PUM3: variants seen among roughly 807,000 people sequenced by gnomAD.
PUM3 encodes the protein pumilio RNA binding family member 3.
PUM3 carries 91 observed loss-of-function variants against 84.0 expected under a neutral mutation model. The observed-to-expected ratio is 1.08, with a 90% confidence interval of 0.91 to 1.29. The LOEUF (loss-of-function observed/expected upper bound fraction) is 1.29, where lower values mean the gene tolerates loss of function less well. Ranked by LOEUF, PUM3 falls within the 50% of genes most tolerant of loss-of-function variation. The pLI is 0.00. For synonymous variants in PUM3, 321 were observed against 266.7 expected (o/e 1.20, Z -1.98); for missense variants, 1,067 against 767.5 (o/e 1.39, Z -4.61).
At chr9:2,814,273 G>A (rs936586326) in intron 13 of PUM3, among the ~76,000 whole-genome samples, 2 of 43,266 alleles carry the variant, frequency 4.6e-5, no homozygotes, top group East Asian at 6.7e-4. Context: ...GTGCAGTGGC[G>A]TGATCTTGGC....
intron 12 of PUM3, among the ~76,000 whole-genome samples, chr9:2,821,443 CAAAAAA>C (rs572752267): frequency 4.0e-5 from 2 of 50,130 alleles, no homozygotes; most frequent in South Asian, 9.4e-4. Context: ...GACTCTGTCT[CAAAAAA>C]AAAAAAAAAA....
In PUM3 at chr9:2,826,601, C is replaced by G. The variant is rs377595003; in HGVS notation, c.1035+472G>C. 1.6e-4 allele frequency among the ~76,000 whole-genome samples: 24 copies of G among 152,302 alleles called. No individual in the cohort carries two copies. In the South Asian group the frequency reaches 2.1e-3, roughly 13 times the overall value. On this transcript the variant is annotated intron_variant, in intron 10 of 17. Coordinates refer to ENST00000397885, the MANE Select transcript of PUM3 (RefSeq NM_014878.5). ...TGAATTCTCATTTGTATTCCCATGA[C>G]TGACTTGAAGGGCAGTGCAATTTAC...
At chr9:2,817,004 G>A (rs915245449) in intron 13 of PUM3, among the ~76,000 whole-genome samples, 1 of 152,238 alleles carries the variant, frequency 6.6e-6, no homozygotes, top group Non-Finnish European at 1.5e-5. Flanking sequence ...CGTAGTGGCT[G>A]AGTGGGAAAT....
intron 17 of PUM3, among the ~76,000 whole-genome samples, chr9:2,806,396 C>G (rs1181732734): frequency 6.6e-6 from 1 of 152,128 alleles, no homozygotes; most frequent in East Asian, 1.9e-4. Context: ...TATGAATGCT[C>G]CTGTGTGAGT....
chr9:2,829,519 G>C (rs529341066), intron 8 of PUM3, among the ~76,000 whole-genome samples: 2 of 152,314 alleles, frequency 1.3e-5, no homozygotes, highest in Admixed American at 1.3e-4. Flanking sequence ...GTATTGAAGT[G>C]CTACACACAG....
rs892501074 is a variant in PUM3, at chr9:2,812,384, A to G, written c.1270-22T>C. The G allele has an allele frequency of 7.4e-6, 11 of 1,484,308 alleles. No homozygotes were observed. The African/African-American group carries it at 1.4e-4, about 19-fold the overall frequency. The allele number at this position is 1,484,308 out of a possible 1,614,324, so 91.9% of individuals were successfully genotyped here. A position where few individuals can be genotyped will look rare whatever the true frequency, so the allele number is the denominator to read the frequency against. ...TTTCCTATAAAATTATAAACAAAAA[A>G]AAAGAATCAATATCTGCATTCTCAA... On this transcript the variant is annotated intron_variant, in intron 13 of 17. Transcript: ENST00000397885.
chr9:2,831,061 G>C, intron 6 of PUM3, 33 bp from the exon 7 acceptor site: 1 of 1,175,042 alleles, frequency 8.5e-7, no homozygotes, highest in Non-Finnish European at 1.3e-6. Context: ...AGTGACTTCA[G>C]ATCTCATTTC....
chr9:2,807,798 CA>C lies in PUM3; in HGVS notation c.1814+15del. On this transcript the variant is annotated intron_variant, in intron 17 of 17. Transcript: ENST00000397885. Reference sequence around the variant, plus strand: ...TGACCAGGCCCTGCTCAGAGAAGGGCACATGTTATACATACCTAGAAAGAAT... The same window carrying C: ...TGACCAGGCCCTGCTCAGAGAAGGGCCATGTTATACATACCTAGAAAGAAT... The C allele has an allele frequency of 6.5e-7, 1 of 1,547,148 alleles. No homozygotes were observed. The highest frequency in any genetic ancestry group is 8.9e-7 in the Non-Finnish European group (1 of 1,120,004).
At chr9:2,842,324 A>G (rs1055674575) in intron 1 of PUM3, among the ~76,000 whole-genome samples, 1 of 152,096 alleles carries the variant, frequency 6.6e-6, no homozygotes, top group East Asian at 1.9e-4. Flanking sequence ...TTCCAGTAGC[A>G]CACCTATTTC....
chr9:2,832,102 A>T (rs1008869973), intron 5 of PUM3, among the ~76,000 whole-genome samples: 8 of 152,188 alleles, frequency 5.3e-5, no homozygotes, highest in African/African-American at 1.9e-4. Context: ...AAAGTTTCTG[A>T]ATTCCAACAA....
At chr9:2,813,236 C>A (rs921263417) in intron 13 of PUM3, among the ~76,000 whole-genome samples, 1 of 152,188 alleles carries the variant, frequency 6.6e-6, no homozygotes, top group Admixed American at 6.5e-5. Context: ...CCTAACTAAA[C>A]TCCTGTGTAA....
chr9:2,834,585 G>A (rs1429133990), intron 3 of PUM3, among the ~76,000 whole-genome samples: 1 of 152,152 alleles, frequency 6.6e-6, no homozygotes, highest in Non-Finnish European at 1.5e-5. Context: ...TCACTGTTCT[G>A]AGTGCTGTTG....
At chr9:2,821,376 G>A (rs373489234) in intron 12 of PUM3, among the ~76,000 whole-genome samples, 13 of 144,466 alleles carry the variant, frequency 9.0e-5, no homozygotes, top group Admixed American at 2.1e-4. Context: ...CCTGGGAGGC[G>A]GAGCTTGCAG....
chr9:2,809,880 C>A (rs1175092190), intron 16 of PUM3, among the ~76,000 whole-genome samples: 7 of 152,166 alleles, frequency 4.6e-5, no homozygotes. Context: ...AATAAACAGG[C>A]ACTAGTCCAA....
intron 4 of PUM3, among the ~76,000 whole-genome samples, 196 bp downstream of exon 4, chr9:2,833,835 G>A (rs1422738126): frequency 6.6e-6 from 1 of 152,126 alleles, no homozygotes; most frequent in East Asian, 1.9e-4. Flanking sequence ...CATATCCGAT[G>A]CCATCATAAT....
At chr9:2,821,239 T>G (rs1821581799) in intron 12 of PUM3, among the ~76,000 whole-genome samples, 1 of 151,844 alleles carries the variant, frequency 6.6e-6, no homozygotes, top group Admixed American at 6.6e-5. Flanking sequence ...GGTCAGGAGA[T>G]CGAGACCATC....
intron 15 of PUM3, 120 bp from the exon 16 acceptor site, chr9:2,810,551 T>G: frequency 1.5e-6 from 1 of 650,316 alleles, no homozygotes; most frequent in Non-Finnish European, 2.6e-6. Flanking sequence ...CTTTTAAAGT[T>G]CCACAGGCTT....
chr9:2,811,413 G>C lies in PUM3; in HGVS notation c.1583C>G (p.Ala528Gly). 1 of 1,614,124 alleles carries C rather than the reference G, an allele frequency of 6.2e-7. No individual in the cohort carries two copies. The highest frequency in any genetic ancestry group is 8.5e-7 in the Non-Finnish European group (1 of 1,180,024). The change falls in exon 15 of 18, where the codon GCC becomes GGC. Residue 528 changes from alanine to glycine, a missense_variant. By Grantham distance (60) the Ala-to-Gly change is moderately conservative. Coordinates refer to ENST00000397885, the MANE Select transcript of PUM3 (RefSeq NM_014878.5). ...TCCTGTTGCTGCCAAGCTGGCGATG[G>C]CATTCATGGTAGGCTGAACGTCTCC... Reference protein sequence around the residue: ...ATGDVQPTMNAIASLAATGLH... With the variant: ...ATGDVQPTMNGIASLAATGLH...
chr9:2,820,863 C>T (rs1270933892), intron 12 of PUM3, among the ~76,000 whole-genome samples: 1 of 152,120 alleles, frequency 6.6e-6, no homozygotes, highest in Non-Finnish European at 1.5e-5. Context: ...CTGTTCCAAA[C>T]ATTTAAAGAA....
Sources: allele counts gnomAD v4.1 joint callset (sites outside exome capture counted in the v4.1 genomes callset), GRCh38; gene constraint gnomAD v4.1.1; transcripts MANE v1.5; gene names NCBI Gene and HGNC (gene_info 2026-07-23, HGNC 2026-07-21).